Variants in AQP9 observed in about 807,000 individuals in gnomAD.
AQP9 encodes aquaporin-9.
Under a neutral mutation model 23.8 loss-of-function variants are expected in AQP9, and 19 were observed. That is an observed-to-expected ratio of 0.80 (90% CI 0.56 to 1.17). The LOEUF (loss-of-function observed/expected upper bound fraction) is 1.17. AQP9 is among the 50% of genes most tolerant of loss of function. The pLI is 0.00. For synonymous variants in AQP9, 153 were observed against 131.5 expected (o/e 1.16, Z -1.12); for missense variants, 413 against 362.0 (o/e 1.14, Z -1.14).
rs74016590 is a variant in AQP9, at chr15:58,184,451, G to A, written c.*316G>A. On this transcript the variant is annotated 3_prime_UTR_variant, in exon 6 of 6. Coordinates refer to ENST00000219919, the MANE Select transcript of AQP9 (RefSeq NM_020980.5). The stretch of plus-strand genomic sequence containing the variant: ...CTAATAACTCGGCATCTTGACGATA[G>A]TCCCATTTGGGTGGTTTCAGCTGCA... The A allele has an allele frequency of 6.8e-3, 1,642 of 241,176 alleles. 22 individuals carry two copies. The highest frequency in any genetic ancestry group is 0.035 in the African/African-American group (1,547 of 44,604). 14.9% of individuals were successfully genotyped at this position (241,176 alleles called of 1,614,324 possible).
chr15:58,153,030 G>A (rs973364011), intron 1 of AQP9: 1 of 152,172 alleles, frequency 6.6e-6, no homozygotes, highest in East Asian at 1.9e-4. Flanking sequence ...TTTATTGGAT[G>A]AGAAGGTGTG....
At chr15:58,138,348 C>T, upstream of AQP9, 1 of 435,348 alleles carries the variant, frequency 2.3e-6, no homozygotes, top group Middle Eastern at 6.2e-4. Context: ...GTCGCAGATT[C>T]AAACAAATAG....
chr15:58,168,428 C>G (rs1354438269), intron 2 of AQP9, among the ~76,000 whole-genome samples: 1 of 152,178 alleles, frequency 6.6e-6, no homozygotes, highest in Non-Finnish European at 1.5e-5. Context: ...GTTAAGCTGG[C>G]TGGCCTCCTA....
At position 58,183,967 on chromosome 15, in the gene AQP9, AAAC is replaced by A; in HGVS notation, c.724_726del (p.Asn242del). ...ATTTCTTGTTTGATTTCAGAGCTGG[AAAC>A]AACTTCTGGTGGATTCCTGTAGTGG... On this transcript the variant is annotated inframe_deletion, in exon 6 of 6. Coordinates refer to ENST00000219919, the MANE Select transcript of AQP9 (RefSeq NM_020980.5). 6.2e-7 allele frequency: 1 copy of A among 1,613,966 alleles called. No individual in the cohort carries two copies. Among genetic ancestry groups the A allele is most frequent in the South Asian group, 1.1e-5 (1 of 91,046 alleles).
rs867994134 is a variant in AQP9, at chr15:58,174,994, C to T, written c.453C>T (p.Tyr151=). 1 of 1,614,174 alleles carries T rather than the reference C, an allele frequency of 6.2e-7. No homozygotes were observed. Among genetic ancestry groups the T allele is most frequent in the South Asian group, 1.1e-5 (1 of 91,084 alleles). Residue 151 remains tyrosine, a synonymous_variant, in exon 4 of 6, where the codon TAC becomes TAT. Coordinates refer to ENST00000219919, the MANE Select transcript of AQP9 (RefSeq NM_020980.5). ...CAACAGCACACATTTTTGCAACATA[C>T]CCAGCTCCGTATCTATCTCTGGCGA... ...ENATAHIFAT[Y]PAPYLSLANA...
rs1193981227 is a variant in AQP9, at chr15:58,184,927, G to A, written c.*792G>A. Reference sequence around the variant, plus strand: ...AAAAATACATCACTCTGTCTTTTTAGCTCAAATGTATTTTCCTAATTGCCC... The same window carrying A: ...AAAAATACATCACTCTGTCTTTTTAACTCAAATGTATTTTCCTAATTGCCC... On this transcript the variant is annotated 3_prime_UTR_variant, in exon 6 of 6. Transcript: ENST00000219919. 6.6e-6 allele frequency: 1 copy of A among 152,006 alleles called. No homozygotes were observed. The highest frequency in any genetic ancestry group is 2.4e-5 in the African/African-American group (1 of 41,352). 9.4% of individuals were successfully genotyped at this position (152,006 alleles called of 1,614,324 possible).
intron 3 of AQP9, 109 bp from the exon 4 acceptor site, chr15:58,174,809 C>A: frequency 1.2e-6 from 1 of 858,162 alleles, no homozygotes; most frequent in Non-Finnish European, 1.9e-6. Context: ...AATGACATGG[C>A]TATGCCAAGC....
chr15:58,139,819 G>A (rs909462317), intron 1 of AQP9, among the ~76,000 whole-genome samples: 6 of 152,234 alleles, frequency 3.9e-5, no homozygotes, highest in Admixed American at 6.5e-5. Flanking sequence ...AGGGAGTTAC[G>A]GACAATTTCT....
intron 1 of AQP9, among the ~76,000 whole-genome samples, chr15:58,156,921 C>T (rs1268804495): frequency 1.3e-5 from 2 of 152,152 alleles, no homozygotes; most frequent in Non-Finnish European, 2.9e-5. Context: ...AGGAAAATTA[C>T]TTAATTTCTT....
intron 4 of AQP9, among the ~76,000 whole-genome samples, chr15:58,178,026 T>C (rs1334746725): frequency 2.0e-5 from 3 of 152,192 alleles, no homozygotes; most frequent in Non-Finnish European, 4.4e-5. Context: ...TTGTCATTAT[T>C]CCCTAAACAA....
At chr15:58,139,281 T>A (rs1157321450) in intron 1 of AQP9, among the ~76,000 whole-genome samples, 1 of 152,204 alleles carries the variant, frequency 6.6e-6, no homozygotes, top group Non-Finnish European at 1.5e-5. Flanking sequence ...TCTCTAAATA[T>A]CTTTGGAGAT....
At chr15:58,151,506 C>T (rs1338871248) in intron 1 of AQP9, 2 of 152,054 alleles carry the variant, frequency 1.3e-5, no homozygotes, top group East Asian at 1.9e-4. Context: ...ACTAACATCA[C>T]CCCTTCTAAT....
In AQP9 at chr15:58,184,638, T is replaced by C. The variant is rs1898976137; in HGVS notation, c.*503T>C. The C allele has an allele frequency of 6.5e-6, 1 of 153,404 alleles. No homozygotes were observed. Among genetic ancestry groups the C allele is most frequent in the Admixed American group, 6.5e-5 (1 of 15,450 alleles). The allele number at this position is 153,404 out of a possible 1,614,324, so 9.5% of individuals were successfully genotyped here. On this transcript the variant is annotated 3_prime_UTR_variant, in exon 6 of 6. Coordinates refer to ENST00000219919, the MANE Select transcript of AQP9 (RefSeq NM_020980.5). ...TGGGTTAAGCTTCCAGTTCCCGCTA[T>C]GCTACTGGATTTGTATAAATACTGA...
At chr15:58,139,650 C>T (rs1449096980) in intron 1 of AQP9, among the ~76,000 whole-genome samples, 1 of 152,102 alleles carries the variant, frequency 6.6e-6, no homozygotes, top group Non-Finnish European at 1.5e-5. Context: ...GGGGCAAATA[C>T]ATAATAATTT....
chr15:58,171,017 T>C lies in AQP9; in HGVS notation c.239-2051T>C, dbSNP rs1372154067. ...TCTGCTCACTGCAACTTCTGCCTCCTGGGTTCAAGCAATTCTCCTGCCTCA... is the reference window on the plus strand; with the variant it reads ...TCTGCTCACTGCAACTTCTGCCTCCCGGGTTCAAGCAATTCTCCTGCCTCA... On this transcript the variant is annotated intron_variant, in intron 2 of 5. Transcript: ENST00000219919. Among the ~76,000 whole-genome samples the C allele has an allele frequency of 3.3e-5, 5 of 151,744 alleles. No individual in the cohort carries two copies. In the East Asian group the frequency reaches 9.8e-4, roughly 30 times the overall value.
chr15:58,144,503 C>A (rs1434964778), intron 1 of AQP9, among the ~76,000 whole-genome samples: 3 of 152,130 alleles, frequency 2.0e-5, no homozygotes, highest in Admixed American at 2.0e-4. Context: ...CCTCATATAC[C>A]ATTTTTTTTG....
In AQP9 at chr15:58,184,891, C is replaced by T. The variant is rs1242449544; in HGVS notation, c.*756C>T. 1 of 152,158 alleles carries T rather than the reference C, an allele frequency of 6.6e-6. No homozygotes were observed. Among genetic ancestry groups the T allele is most frequent in the Non-Finnish European group, 1.5e-5 (1 of 68,034 alleles). 9.4% of individuals were successfully genotyped at this position (152,158 alleles called of 1,614,324 possible). Reference sequence around the variant, plus strand: ...ATAATAACCTAAAATACCATTGTAACCTCAGTCATGAAAAATACATCACTC... The same window carrying T: ...ATAATAACCTAAAATACCATTGTAATCTCAGTCATGAAAAATACATCACTC... On this transcript the variant is annotated 3_prime_UTR_variant, in exon 6 of 6. Coordinates refer to ENST00000219919, the MANE Select transcript of AQP9 (RefSeq NM_020980.5).
At chr15:58,163,447 C>T (rs1898427041) in intron 1 of AQP9, among the ~76,000 whole-genome samples, 1 of 151,886 alleles carries the variant, frequency 6.6e-6, no homozygotes, top group South Asian at 2.1e-4. Context: ...TAAACATCCA[C>T]AATGTTAATA....
chr15:58,179,855 G>A (rs3784255), intron 5 of AQP9, among the ~76,000 whole-genome samples: 18,931 of 152,114 alleles, frequency 0.12, 1,453 homozygotes, highest in Non-Finnish European at 0.17. Context: ...CACCTTGAGC[G>A]ATATAATAAG....
Sources: allele counts gnomAD v4.1 joint callset (sites outside exome capture counted in the v4.1 genomes callset), GRCh38; gene constraint gnomAD v4.1.1; transcripts MANE v1.5; gene names NCBI Gene and HGNC (gene_info 2026-07-23, HGNC 2026-07-21).